The following GC variants were observed in gnomAD, a reference collection of about 807,000 sequenced individuals.
GC encodes GC vitamin D binding protein, also known as vitamin D-binding protein.
A neutral mutation model predicts 56.7 loss-of-function variants in GC; 43 were observed. The ratio of observed to expected loss-of-function variants is 0.76; its 90% confidence interval spans 0.59 to 0.98. GC has a LOEUF of 0.98. GC is among the 50% of genes least tolerant of loss of function. The probability of loss-of-function intolerance (pLI) is 0.00; values close to 1 mark genes in which losing one functional copy is unlikely to be tolerated. For missense variants in GC, 529 were observed against 545.9 expected (o/e 0.97, Z 0.31); for synonymous variants, 216 against 202.7 (o/e 1.07, Z -0.56).
At chr4:71,749,672 G>A (rs1741484898) in intron 11 of GC, among the ~76,000 whole-genome samples, 1 of 152,096 alleles carries the variant, frequency 6.6e-6, no homozygotes, top group African/African-American at 2.4e-5. Flanking sequence ...AGAAAGAACT[G>A]TTCAATTTAA....
chr4:71,759,262 C>T (rs1028476068), intron 6 of GC, among the ~76,000 whole-genome samples: 3 of 152,082 alleles, frequency 2.0e-5, no homozygotes, highest in African/African-American at 7.2e-5. Context: ...GTGCAAATCT[C>T]TTTGAGATCC....
intron 12 of GC, among the ~76,000 whole-genome samples, chr4:71,743,068 G>T (rs892814606): frequency 2.6e-5 from 4 of 152,138 alleles, no homozygotes; most frequent in African/African-American, 9.7e-5. Flanking sequence ...AAGGCTTGAA[G>T]AAAAAGATTG....
chr4:71,803,523 A>G (rs1743297596), intron 1 of GC, among the ~76,000 whole-genome samples: 1 of 152,222 alleles, frequency 6.6e-6, no homozygotes, highest in East Asian at 1.9e-4. Context: ...TGATGCACTC[A>G]GAGAAATGAA....
rs137942674 is a variant in GC, at chr4:71,752,640, G to A, written c.1273C>T (p.Arg425Ter). The change falls in exon 11 of 13, where the codon CGA becomes TGA. Residue 425 changes from arginine (R) to a stop codon, truncating the protein, a stop_gained. Coordinates refer to ENST00000273951, the MANE Select transcript of GC (RefSeq NM_000583.4). LOFTEE classifies it high-confidence loss of function. ...FTEYKKKLAE[R>*]LKAKLPDATP... The stretch of plus-strand genomic sequence containing the variant: ...GCATCAGGCAATTTTGCTTTTAGTC[G>A]CTCTGCCAGTCTGAAAAACCATTTA... The A allele has an allele frequency of 8.7e-6, 14 of 1,612,460 alleles. No homozygotes were observed. Among genetic ancestry groups the A allele is most frequent in the African/African-American group, 5.3e-5 (4 of 74,838 alleles).
intron 1 of GC, among the ~76,000 whole-genome samples, chr4:71,794,618 C>A (rs1364737570): frequency 6.6e-6 from 1 of 151,938 alleles, no homozygotes; most frequent in Non-Finnish European, 1.5e-5. Flanking sequence ...CTCCTGGATC[C>A]ATTGATTTTT....
upstream of GC, chr4:71,804,130 CCCTGG>C (rs1743310040): frequency 9.4e-5 from 58 of 616,088 alleles, 1 homozygote; most frequent in South Asian, 1.1e-3. Context: ...GTCCCACAGA[CCCTGG>C]CTGAGCAATG....
chr4:71,777,435 G>A (rs1021639408), intron 1 of GC, among the ~76,000 whole-genome samples: 2 of 151,166 alleles, frequency 1.3e-5, no homozygotes, highest in Non-Finnish European at 3.0e-5. Context: ...GATGGAAAAT[G>A]GAATGCCAAT....
chr4:71,775,104 G>A (rs1742467566), intron 1 of GC, among the ~76,000 whole-genome samples: 1 of 149,344 alleles, frequency 6.7e-6, no homozygotes, highest in Non-Finnish European at 1.5e-5. Context: ...GAGCAGATTG[G>A]TTGAAAGACT....
At chr4:71,744,970 T>C (rs1741313878) in intron 12 of GC, among the ~76,000 whole-genome samples, 1 of 152,240 alleles carries the variant, frequency 6.6e-6, no homozygotes, top group Non-Finnish European at 1.5e-5. Flanking sequence ...GGACATGATA[T>C]TTGTATACCA....
At chr4:71,747,180 A>G (rs1010251934) in intron 11 of GC, among the ~76,000 whole-genome samples, 4 of 152,202 alleles carry the variant, frequency 2.6e-5, no homozygotes, top group African/African-American at 9.7e-5. Context: ...TTTATAGGAA[A>G]AATATTTTGT....
intron 1 of GC, among the ~76,000 whole-genome samples, chr4:71,781,181 A>G (rs2149306141): frequency 6.6e-6 from 1 of 152,168 alleles, no homozygotes; most frequent in African/African-American, 2.4e-5. Context: ...TGGGAGTTGA[A>G]CAATGAGAAC....
intron 1 of GC, among the ~76,000 whole-genome samples, chr4:71,801,615 G>A (rs771440657): frequency 2.6e-5 from 4 of 151,990 alleles, no homozygotes; most frequent in Non-Finnish European, 2.9e-5. Context: ...CCTCCTTAAC[G>A]GTTTCTTATG....
At chr4:71,787,725 G>A (rs534545633), upstream of GC, among the ~76,000 whole-genome samples, 20 of 151,970 alleles carry the variant, frequency 1.3e-4, no homozygotes, top group Non-Finnish European at 2.1e-4. Context: ...TGGCAGAGGC[G>A]TGAGATGGTT....
intron 1 of GC, among the ~76,000 whole-genome samples, chr4:71,795,032 G>T (rs1743063275): frequency 6.6e-6 from 1 of 152,032 alleles, no homozygotes; most frequent in Admixed American, 6.6e-5. Context: ...ATAGTTTGTT[G>T]TGATTTCTGT....
chr4:71,776,307 A>G (rs930929574), intron 1 of GC, among the ~76,000 whole-genome samples: 1 of 151,916 alleles, frequency 6.6e-6, no homozygotes, highest in African/African-American at 2.4e-5. Context: ...TACACAGTTG[A>G]ATACTATTCA....
chr4:71,755,174 A>T (rs559100492), intron 8 of GC, 67 bp from the exon 9 acceptor site: 1 of 766,662 alleles, frequency 1.3e-6, no homozygotes, highest in East Asian at 5.3e-5. Context: ...TTATTTATTT[A>T]TTTTTTGTGA....
intron 7 of GC, 52 bp from the exon 8 acceptor site, chr4:71,756,966 T>A (rs780781211): frequency 8.1e-7 from 1 of 1,229,400 alleles, no homozygotes; most frequent in Non-Finnish European, 1.2e-6. Flanking sequence ...ATAGTCTAAT[T>A]AAAAATAAGA....
chr4:71,777,381 C>T (rs1262461019), intron 1 of GC, among the ~76,000 whole-genome samples: 1 of 151,420 alleles, frequency 6.6e-6, no homozygotes, highest in East Asian at 2.0e-4. Flanking sequence ...TAAAGAGAGC[C>T]TTTTAAACAA....
At chr4:71,752,759 A>G in intron 10 of GC, 109 bp from the exon 11 acceptor site, 1 of 1,001,556 alleles carries the variant, frequency 1.0e-6, no homozygotes, top group South Asian at 1.4e-5. Context: ...ATGAAAATAG[A>G]AATACTTGCC....
Sources: allele counts gnomAD v4.1 joint callset (sites outside exome capture counted in the v4.1 genomes callset), GRCh38; gene constraint gnomAD v4.1.1; transcripts MANE v1.5; gene names NCBI Gene and HGNC (gene_info 2026-07-23, HGNC 2026-07-21).